ANO3: variants seen among roughly 807,000 people sequenced by gnomAD.
ANO3 encodes the protein anoctamin 3.
ANO3 carries 99 observed loss-of-function variants against 144.8 expected under a neutral mutation model. The observed-to-expected ratio is 0.68, with a 90% confidence interval of 0.58 to 0.81. The LOEUF (loss-of-function observed/expected upper bound fraction) is 0.81, where lower values mean the gene tolerates loss of function less well. Among genes scored for constraint, ANO3 ranks in the 30% least tolerant of loss-of-function variants. ANO3 has a pLI of 0.00. For synonymous variants in ANO3, 414 were observed against 392.6 expected, an observed-to-expected ratio of 1.05 and a Z score of -0.64; for missense variants, 905 against 1,202.2, an observed-to-expected ratio of 0.75 and a Z score of 3.66.
Position 26,315,593 on chromosome 11 carries a change from A to C in ANO3, c.-3+5874A>C, listed in dbSNP as rs542762593. On this transcript the variant is annotated intron_variant, in intron 1 of 26. Coordinates refer to the ANO3 transcript ENST00000525139. ...CGTTGACAAGTGGGAATAAAGTTTC[A>C]CTTTTAAGAGATATTCTCTTTTTTT... Among the ~76,000 whole-genome samples, 1,235 of 152,112 alleles carry C rather than the reference A, an allele frequency of 8.1e-3. 15 individuals are homozygous for C. Among genetic ancestry groups the C allele is most frequent in the African/African-American group, 0.027 (1,135 of 41,498 alleles).
intron 4 of ANO3, among the ~76,000 whole-genome samples, chr11:26,505,044 A>C (rs1861371666): frequency 6.8e-6 from 1 of 148,128 alleles, no homozygotes; most frequent in Non-Finnish European, 1.5e-5. Context: ...AAAAAAGAAG[A>C]GAAAAGGTAG....
intron 17 of ANO3, among the ~76,000 whole-genome samples, chr11:26,606,324 G>C (rs1291707175): frequency 3.3e-5 from 5 of 152,100 alleles, no homozygotes; most frequent in African/African-American, 1.2e-4. Flanking sequence ...TTTTGCATTT[G>C]CTGAGGAGTG....
At chr11:26,271,055 T>A (rs12419504) in intron 1 of ANO3, among the ~76,000 whole-genome samples, 12,947 of 152,164 alleles carry the variant, frequency 0.085, 810 homozygotes, top group Admixed American at 0.21. Context: ...GACCAGATCT[T>A]GGAGGGATGA....
At chr11:26,354,678 T>C (rs1046721483) in intron 1 of ANO3, among the ~76,000 whole-genome samples, 4 of 152,160 alleles carry the variant, frequency 2.6e-5, no homozygotes, top group Non-Finnish European at 5.9e-5. Context: ...AATTTAGTTA[T>C]CATTAATTTC....
At position 26,366,120 on chromosome 11, in the gene ANO3, A is replaced by G. The variant is rs576753132; in HGVS notation, c.46+33799A>G. Among the ~76,000 whole-genome samples, 263 of 151,822 alleles carry G rather than the reference A, an allele frequency of 1.7e-3. 9 individuals are homozygous for G. The South Asian group carries it at 0.054, about 31-fold the overall frequency. On this transcript the variant is annotated intron_variant, in intron 1 of 26. Transcript: ENST00000256737. ...GTAACTCATCATTTACATTAGGTAT[A>G]TCTCCTAATGCTATCCCTCCCACCT...
In ANO3 at chr11:26,517,090, C is replaced by T. The variant is rs117440144; in HGVS notation, c.692+163C>T. ...TTTTTTTTTCTTCCTAATTTGTTTGCCTAATTTGGTAAACTTTCTGATTTC... is the reference window on the plus strand; with the variant it reads ...TTTTTTTTTCTTCCTAATTTGTTTGTCTAATTTGGTAAACTTTCTGATTTC... On this transcript the variant is annotated intron_variant, in intron 6 of 26. Coordinates refer to ENST00000256737, the MANE Select transcript of ANO3 (RefSeq NM_031418.4). Among the ~76,000 whole-genome samples the T allele has an allele frequency of 0.11, 16,706 of 151,580 alleles. 1,284 individuals are homozygous for T. Among genetic ancestry groups the T allele is most frequent in the Admixed American group, 0.16 (2,364 of 15,200 alleles).
At chr11:26,382,862 A>G (rs573731670) in intron 1 of ANO3, among the ~76,000 whole-genome samples, 156 of 152,316 alleles carry the variant, frequency 1.0e-3, no homozygotes, top group Non-Finnish European at 1.6e-3. Context: ...GTAGCCCCTG[A>G]GGATAACTAT....
intron 3 of ANO3, among the ~76,000 whole-genome samples, chr11:26,453,917 G>A (rs962310993): frequency 6.6e-6 from 1 of 152,106 alleles, no homozygotes; most frequent in African/African-American, 2.4e-5. Flanking sequence ...TCAGGATTAA[G>A]AAACTCACTC....
chr11:26,599,943 G>A (rs2132930799), intron 17 of ANO3, among the ~76,000 whole-genome samples: 1 of 151,510 alleles, frequency 6.6e-6, no homozygotes, highest in African/African-American at 2.4e-5. Flanking sequence ...CTGCATTTTG[G>A]GTTTATAATC....
At chr11:26,238,951 T>C (rs1329031061) in intron 1 of ANO3, among the ~76,000 whole-genome samples, 3 of 151,494 alleles carry the variant, frequency 2.0e-5, no homozygotes, top group South Asian at 2.1e-4. Flanking sequence ...TCTTTTTGCA[T>C]TTTATGGAAT....
chr11:26,515,621 T>G (rs1418836478), intron 5 of ANO3, among the ~76,000 whole-genome samples: 1 of 151,930 alleles, frequency 6.6e-6, no homozygotes, highest in East Asian at 1.9e-4. Flanking sequence ...CATATGAAAA[T>G]GTTATAGTTT....
At chr11:26,600,057 C>T (rs930425321) in intron 17 of ANO3, among the ~76,000 whole-genome samples, 2 of 151,920 alleles carry the variant, frequency 1.3e-5, no homozygotes, top group Non-Finnish European at 2.9e-5. Context: ...AAAATCATCC[C>T]AATAAACTCC....
upstream of ANO3, among the ~76,000 whole-genome samples, chr11:26,309,395 T>C (rs544716615): frequency 6.6e-6 from 1 of 152,292 alleles, no homozygotes; most frequent in Non-Finnish European, 1.5e-5. Flanking sequence ...GTTTCAAAGA[T>C]GACAGCTAAA....
chr11:26,634,729 T>C (rs1852895126), intron 19 of ANO3, among the ~76,000 whole-genome samples: 1 of 152,234 alleles, frequency 6.6e-6, no homozygotes, highest in Non-Finnish European at 1.5e-5. Flanking sequence ...CACATTATTG[T>C]AATAGTCATT....
At chr11:26,576,540 A>G (rs958313614) in intron 14 of ANO3, among the ~76,000 whole-genome samples, 1 of 152,162 alleles carries the variant, frequency 6.6e-6, no homozygotes, top group African/African-American at 2.4e-5. Flanking sequence ...TGAAAAATGA[A>G]TGAGTAAACT....
intron 1 of ANO3, among the ~76,000 whole-genome samples, chr11:26,268,617 A>G (rs1021034827): frequency 2.0e-5 from 3 of 152,128 alleles, no homozygotes; most frequent in Non-Finnish European, 2.9e-5. Flanking sequence ...TTTTCAAAAC[A>G]TCATCTAAAT....
chr11:26,193,072 C>G (rs1169655131), intron 1 of ANO3, among the ~76,000 whole-genome samples: 1 of 151,732 alleles, frequency 6.6e-6, no homozygotes, highest in East Asian at 1.9e-4. Context: ...AATGCTCTCC[C>G]TGCCGTTGCC....
intron 1 of ANO3, among the ~76,000 whole-genome samples, chr11:26,213,999 G>T (rs983837911): frequency 1.3e-5 from 2 of 151,920 alleles, no homozygotes; most frequent in African/African-American, 4.8e-5. Context: ...TGTAGGTTTA[G>T]TTAGATTTCA....
chr11:26,659,093 C>T (rs1042649354), intron 26 of ANO3, among the ~76,000 whole-genome samples: 7 of 146,744 alleles, frequency 4.8e-5, no homozygotes, highest in African/African-American at 1.8e-4. Context: ...CACACACACA[C>T]ACACACATAT....
Sources: gnomAD v4.1 joint callset for allele counts (sites outside exome capture counted in the v4.1 genomes callset) on GRCh38, gnomAD v4.1.1 for gene constraint, MANE v1.5 for transcripts, NCBI Gene and HGNC (gene_info 2026-07-23, HGNC 2026-07-21) for gene names.